HMCN1: variants seen among roughly 807,000 people sequenced by gnomAD.
The protein encoded by HMCN1 is hemicentin 1, also known as hemicentin-1.
HMCN1 carries 321 observed loss-of-function variants against 625.9 expected under a neutral mutation model. The observed-to-expected ratio is 0.51, with a 90% confidence interval of 0.47 to 0.56. HMCN1 has a LOEUF of 0.56. Among genes scored for constraint, HMCN1 ranks in the 20% least tolerant of loss-of-function variants. The pLI, the probability that HMCN1 is intolerant of heterozygous loss-of-function variation, is 0.00. For synonymous variants in HMCN1, 2,425 were observed against 2,417.6 expected (o/e 1.00, Z -0.09); for missense variants, 6,588 against 6,887.3 (o/e 0.96, Z 1.54).
rs1658366937 is a variant in HMCN1, at chr1:186,069,712, A to T, written c.7929A>T (p.Arg2643Ser). The T allele has an allele frequency of 5.6e-6, 9 of 1,613,644 alleles. No homozygotes were observed. Among genetic ancestry groups the T allele is most frequent in the Non-Finnish European group, 7.6e-6 (9 of 1,179,822 alleles). ...ILNAQEDNAG[R>S]YSCVATNEAG... Reference sequence around the variant, plus strand: ...ATGCACAGGAGGACAATGCTGGAAGATACTCTTGTGTAGCCACGAATGAGG... The same window carrying T: ...ATGCACAGGAGGACAATGCTGGAAGTTACTCTTGTGTAGCCACGAATGAGG... Residue 2643 changes from arginine to serine, a missense_variant, in exon 51 of 107, where the codon AGA (arginine) becomes AGT (serine). This residue lies in a region of HMCN1 where 4,628 missense variants were observed against 4,853.1 expected (regional missense o/e 0.95). Transcript: ENST00000271588.
intron 102 of HMCN1, among the ~76,000 whole-genome samples, chr1:186,173,148 G>T (rs368594913): frequency 7.2e-5 from 11 of 152,244 alleles, no homozygotes; most frequent in African/African-American, 2.6e-4. Context: ...TGTAAAAATA[G>T]TACAGTTTTT....
rs142686709 is a variant in HMCN1 at position 186,015,261 on chromosome 1, C to A, written c.4733C>A (p.Ala1578Asp). The A allele has an allele frequency of 1.0e-4, 168 of 1,613,740 alleles. 2 individuals are homozygous for A. The highest frequency in any genetic ancestry group is 6.6e-4 in the Middle Eastern group (4 of 6,062). ...GAAACACGGGGACTTCCAATGCCTG[C>A]CATTACTTGGTATAAGGACGGGCAG... is the stretch of plus-strand genomic sequence containing the variant. Reference protein sequence around the residue: ...ECETRGLPMPAITWYKDGQPI... With the variant: ...ECETRGLPMPDITWYKDGQPI... Residue 1578 changes from alanine to aspartate, a missense_variant, in exon 31 of 107, where the codon GCC becomes GAC. Physicochemically the swap from Ala to Asp is moderately radical, Grantham distance 126. Coordinates refer to ENST00000271588, the MANE Select transcript of HMCN1 (RefSeq NM_031935.3).
At chr1:185,845,018 C>T (rs1302528199) in intron 1 of HMCN1, among the ~76,000 whole-genome samples, 1 of 152,188 alleles carries the variant, frequency 6.6e-6, no homozygotes, top group South Asian at 2.1e-4. Context: ...CCCACCTTTT[C>T]CTGTTGGAAG....
intron 11 of HMCN1, among the ~76,000 whole-genome samples, chr1:185,946,115 G>A (rs891258021): frequency 6.6e-6 from 1 of 152,212 alleles, no homozygotes; most frequent in Non-Finnish European, 1.5e-5. Flanking sequence ...AAGGATGGGA[G>A]ATTGTGAACC....
chr1:186,174,469 G>A, intron 102 of HMCN1, 45 bp from the exon 103 acceptor site: 1 of 1,610,270 alleles, frequency 6.2e-7, no homozygotes, highest in Non-Finnish European at 8.5e-7. Context: ...ATGACTTTGG[G>A]TTTGAAAGAG....
rs556444216 is a variant in HMCN1, at chr1:186,078,781, T to C, written c.8599+561T>C. ...TCACAGACAGCAAGAGGTTGCAATG[T>C]TCTAATTGATAAGGTCTAGTTCATG... On this transcript the variant is annotated intron_variant, in intron 55 of 106. Coordinates refer to ENST00000271588, the MANE Select transcript of HMCN1 (RefSeq NM_031935.3). Among the ~76,000 whole-genome samples the C allele has an allele frequency of 1.3e-3, 200 of 152,336 alleles. 2 individuals carry two copies. Among genetic ancestry groups the C allele is most frequent in the South Asian group, 0.013 (63 of 4,824 alleles).
chr1:186,061,701 T>A (rs1402978588), intron 46 of HMCN1, 150 bp from the exon 47 acceptor site: 1 of 479,928 alleles, frequency 2.1e-6, no homozygotes, highest in African/African-American at 1.9e-5. Flanking sequence ...GTTTAAAATG[T>A]GATTTTTAAA....
chr1:186,115,320 C>G lies in HMCN1; in HGVS notation c.11467C>G (p.Leu3823Val), dbSNP rs1158812438. Reference sequence around the variant, plus strand: ...TGTAATAGTAAATGTTCAAACTACTCTGGCTTGTGAGGCTACTGGGATACC... The same window carrying G: ...TGTAATAGTAAATGTTCAAACTACTGTGGCTTGTGAGGCTACTGGGATACC... ...MTVIVNVQTT[L>V]ACEATGIPKP... The change falls in exon 75 of 107, where the codon CTG (leucine) becomes GTG (valine). Residue 3823 changes from leucine to valine, a missense_variant. Coordinates refer to ENST00000271588, the MANE Select transcript of HMCN1 (RefSeq NM_031935.3). 1 of 1,613,888 alleles carries G rather than the reference C, an allele frequency of 6.2e-7. No homozygotes were observed. Among genetic ancestry groups the G allele is most frequent in the Non-Finnish European group, 8.5e-7 (1 of 1,179,952 alleles).
chr1:185,769,896 G>A (rs1037525319), intron 1 of HMCN1, among the ~76,000 whole-genome samples: 3 of 152,086 alleles, frequency 2.0e-5, no homozygotes, highest in Non-Finnish European at 2.9e-5. Context: ...AGAGAGCAAG[G>A]GAAGTGTGAA....
At chr1:186,161,757 C>G (rs1431561452) in intron 97 of HMCN1, among the ~76,000 whole-genome samples, 1 of 152,158 alleles carries the variant, frequency 6.6e-6, no homozygotes, top group Non-Finnish European at 1.5e-5. Context: ...CCCCCACTCT[C>G]TTCTGGCTTG....
chr1:186,102,328 A>C (rs1025358432), intron 68 of HMCN1, among the ~76,000 whole-genome samples: 1 of 152,150 alleles, frequency 6.6e-6, no homozygotes, highest in Non-Finnish European at 1.5e-5. Flanking sequence ...CTGACTTAGT[A>C]TATTATCTTT....
At chr1:186,146,081 A>G (rs538776249) in intron 93 of HMCN1, among the ~76,000 whole-genome samples, 158 bp downstream of exon 93, 12 of 152,170 alleles carry the variant, frequency 7.9e-5, no homozygotes, top group South Asian at 4.2e-4. Flanking sequence ...TTCTGTATCA[A>G]TCCAAGGCTG....
chr1:186,058,374 G>A (rs766046614), intron 46 of HMCN1, among the ~76,000 whole-genome samples: 1 of 151,844 alleles, frequency 6.6e-6, no homozygotes, highest in Admixed American at 6.6e-5. Flanking sequence ...TCTCCAATAA[G>A]AAAAGCAAGA....
At chr1:185,787,179 G>A (rs1243129029) in intron 1 of HMCN1, among the ~76,000 whole-genome samples, 4 of 150,688 alleles carry the variant, frequency 2.7e-5, no homozygotes, top group African/African-American at 9.8e-5. Context: ...GTGTGTGTGT[G>A]CATGCACGTG....
At chr1:185,765,810 T>C (rs1439385137) in intron 1 of HMCN1, among the ~76,000 whole-genome samples, 1 of 152,188 alleles carries the variant, frequency 6.6e-6, no homozygotes, top group Non-Finnish European at 1.5e-5. Context: ...AGAAACTGGA[T>C]GGGGCCCAGC....
intron 90 of HMCN1, 90 bp downstream of exon 90, chr1:186,144,433 A>T: frequency 1.2e-6 from 2 of 1,603,756 alleles, no homozygotes; most frequent in Non-Finnish European, 1.7e-6. Flanking sequence ...TCCCATTCTA[A>T]CTGTGCCCAC....
At chr1:185,807,960 G>A (rs1458849036) in intron 1 of HMCN1, among the ~76,000 whole-genome samples, 1 of 152,154 alleles carries the variant, frequency 6.6e-6, no homozygotes, top group Admixed American at 6.6e-5. Flanking sequence ...AAGGTAGAGA[G>A]ACAGTTCTGC....
intron 27 of HMCN1, 45 bp from the exon 28 acceptor site, chr1:186,001,549 T>G: frequency 6.2e-7 from 1 of 1,610,234 alleles, no homozygotes; most frequent in Non-Finnish European, 8.5e-7. Context: ...AATTATGCAT[T>G]TTTATTAGGA....
At chr1:186,025,089 C>A (rs559116989) in intron 36 of HMCN1, among the ~76,000 whole-genome samples, 1 of 152,318 alleles carries the variant, frequency 6.6e-6, no homozygotes, top group South Asian at 2.1e-4. Flanking sequence ...GACAGATCAT[C>A]AGGCATTATA....
Sources: allele counts gnomAD v4.1 joint callset (sites outside exome capture counted in the v4.1 genomes callset), GRCh38; gene constraint gnomAD v4.1.1; regional missense constraint gnomAD v4.1.1; transcripts MANE v1.5; gene names NCBI Gene and HGNC (gene_info 2026-07-23, HGNC 2026-07-21).